Variants in CFAP77 observed in about 807,000 individuals in gnomAD.
CFAP77 encodes the protein cilia- and flagella-associated protein 77.
In CFAP77, 25 loss-of-function variants were observed where a neutral mutation model predicts 31.1. The ratio of observed to expected loss-of-function variants is 0.80; its 90% confidence interval spans 0.59 to 1.12. The LOEUF (loss-of-function observed/expected upper bound fraction) is 1.12, where lower values mean the gene tolerates loss of function less well. Among genes scored for constraint, CFAP77 ranks in the 50% most tolerant of loss-of-function variants. The pLI is 0.00. For synonymous variants in CFAP77, 151 were observed against 159.9 expected, an observed-to-expected ratio of 0.94 and a Z score of 0.42; for missense variants, 377 against 397.3, an observed-to-expected ratio of 0.95 and a Z score of 0.44.
rs1852176622 is a variant in CFAP77, at chr9:132,517,937, C to T, written c.524+18337C>T. 6.6e-6 allele frequency among the ~76,000 whole-genome samples: 1 copy of T among 152,208 alleles called. No homozygotes were observed. The highest frequency in any genetic ancestry group is 2.1e-4 in the South Asian group (1 of 4,830). ...CTGGGAGGCCTATCCCAAGTAGGAGCTGATTTCATTTCATTCCCCCTTTTT... is the reference window on the plus strand; with the variant it reads ...CTGGGAGGCCTATCCCAAGTAGGAGTTGATTTCATTTCATTCCCCCTTTTT... On this transcript the variant is annotated intron_variant, in intron 3 of 5. Coordinates refer to ENST00000393216, the MANE Select transcript of CFAP77 (RefSeq NM_001282957.2). The surrounding 1 kb of genome is among the most constrained non-coding windows in gnomAD (Gnocchi z 4.7).
intron 3 of CFAP77, among the ~76,000 whole-genome samples, chr9:132,500,983 T>TG (rs894811848): frequency 7.9e-5 from 12 of 152,380 alleles, no homozygotes; most frequent in African/African-American, 2.9e-4. Flanking sequence ...CTTCCAGAAT[T>TG]GGCCCTTCCC....
At position 132,499,638 on chromosome 9, in the gene CFAP77, G is replaced by C. The variant is rs751851483; in HGVS notation, c.524+38G>C. 2 of 1,583,476 alleles carry C rather than the reference G, an allele frequency of 1.3e-6. No homozygotes were observed. Among genetic ancestry groups the C allele is most frequent in the South Asian group, 2.2e-5 (2 of 90,402 alleles). ...GCAGCCAGGGCTTCATCCCTTGAGG[G>C]GGTGGAGGTACCAGCTCAATCAGGG... On this transcript the variant is annotated intron_variant, in intron 3 of 5. Transcript: ENST00000393216. The surrounding 1 kb of genome is among the most constrained non-coding windows in gnomAD (Gnocchi z 5.4).
intron 1 of CFAP77, among the ~76,000 whole-genome samples, chr9:132,492,560 G>A (rs1437942593): frequency 2.6e-5 from 4 of 152,210 alleles, no homozygotes; most frequent in Admixed American, 6.5e-5. Context: ...GTCAGATGTG[G>A]GTTCAGACCC....
chr9:132,444,291 G>A (rs1850667195), intron 1 of CFAP77, among the ~76,000 whole-genome samples: 1 of 152,214 alleles, frequency 6.6e-6, no homozygotes, highest in African/African-American at 2.4e-5. Context: ...AGCCACCTGC[G>A]GCATTGCCAG....
Position 132,545,869 on chromosome 9 carries a change from A to T in CFAP77, c.732+2822A>T, listed in dbSNP as rs759643554. On this transcript the variant is annotated intron_variant, in intron 5 of 5. Coordinates refer to ENST00000393216, the MANE Select transcript of CFAP77 (RefSeq NM_001282957.2). This position sits in a 1 kb window ranked among gnomAD's most constrained non-coding sequence, Gnocchi z 4.6. ...TTCCTAGCCCCAGGGCCTCCCGAGG[A>T]CCCCTTCCCTCACCTCCAGGCCCCA... Among the ~76,000 whole-genome samples, 13 of 151,762 alleles carry T rather than the reference A, an allele frequency of 8.6e-5. No individual in the cohort carries two copies. The highest frequency in any genetic ancestry group is 1.6e-4 in the Non-Finnish European group (11 of 67,938).
At chr9:132,569,356 T>C (rs1461594366) in intron 5 of CFAP77, among the ~76,000 whole-genome samples, 2 of 151,842 alleles carry the variant, frequency 1.3e-5, no homozygotes, top group African/African-American at 2.4e-5. Context: ...CAGTGAGCCA[T>C]GGTTGTGCCA....
intron 1 of CFAP77, among the ~76,000 whole-genome samples, chr9:132,431,700 G>T (rs1051426764): frequency 1.3e-5 from 2 of 152,160 alleles, no homozygotes; most frequent in South Asian, 2.1e-4. Context: ...ACTGAAAAAA[G>T]TGGGCAGATC....
intron 5 of CFAP77, among the ~76,000 whole-genome samples, chr9:132,569,385 GAC>G (rs1463458511): frequency 6.6e-6 from 1 of 152,042 alleles, no homozygotes; most frequent in Non-Finnish European, 1.5e-5. Flanking sequence ...CAGCCTGGGT[GAC>G]AGAGTGAGAA....
chr9:132,516,514 T>A (rs1190798809), intron 3 of CFAP77, among the ~76,000 whole-genome samples: 3 of 151,960 alleles, frequency 2.0e-5, no homozygotes, highest in African/African-American at 7.3e-5. Flanking sequence ...GGAGAGAGCT[T>A]GTGGGAATGG....
chr9:132,502,265 ATTTT>A (rs571665067), intron 3 of CFAP77, among the ~76,000 whole-genome samples: 2,835 of 83,758 alleles, frequency 0.034, 87 homozygotes, highest in African/African-American at 0.11. Context: ...ATATATATAT[ATTTT>A]TTTTTTTTGG....
chr9:132,418,446 T>C (rs2131677642), intron 1 of CFAP77, among the ~76,000 whole-genome samples: 2 of 152,370 alleles, frequency 1.3e-5, no homozygotes, highest in Middle Eastern at 6.8e-3. Flanking sequence ...TCACCCGTGG[T>C]TCATGGTCTC....
intron 3 of CFAP77, among the ~76,000 whole-genome samples, chr9:132,532,267 T>C (rs569869176): frequency 1.6e-4 from 24 of 152,166 alleles, no homozygotes; most frequent in Non-Finnish European, 3.5e-4. Context: ...CAGACTGGCC[T>C]CGGAGCACGG....
chr9:132,512,481 A>C (rs1477497677), intron 3 of CFAP77, among the ~76,000 whole-genome samples: 1 of 152,194 alleles, frequency 6.6e-6, no homozygotes, highest in Non-Finnish European at 1.5e-5. Context: ...TAATCATCGA[A>C]GCATCTTAAC....
chr9:132,540,118 C>T (rs761658286), intron 4 of CFAP77, among the ~76,000 whole-genome samples: 2 of 151,942 alleles, frequency 1.3e-5, no homozygotes, highest in Non-Finnish European at 2.9e-5. Flanking sequence ...TTAGTAGAGA[C>T]GGGGTCTCAC....
intron 5 of CFAP77, among the ~76,000 whole-genome samples, chr9:132,548,451 T>C (rs1206563373): frequency 1.3e-5 from 2 of 152,230 alleles, no homozygotes; most frequent in Non-Finnish European, 2.9e-5. Flanking sequence ...GTGTTCGACC[T>C]CCAGCTTTGA....
chr9:132,449,146 G>A (rs937502013), intron 1 of CFAP77, among the ~76,000 whole-genome samples: 8 of 152,198 alleles, frequency 5.3e-5, no homozygotes, highest in African/African-American at 1.9e-4. Context: ...ATGCCATAAA[G>A]TTGATCCATT....
At chr9:132,463,852 A>G (rs1851104508) in intron 1 of CFAP77, among the ~76,000 whole-genome samples, 1 of 152,166 alleles carries the variant, frequency 6.6e-6, no homozygotes, top group Non-Finnish European at 1.5e-5. Context: ...GACAGGAAGG[A>G]CACAAACACT....
Position 132,530,945 on chromosome 9 carries a change from T to C in CFAP77, c.525-6656T>C, listed in dbSNP as rs181969554. Among the ~76,000 whole-genome samples, 39 of 152,336 alleles carry C rather than the reference T, an allele frequency of 2.6e-4. No homozygotes were observed. In the East Asian group the frequency reaches 7.3e-3, roughly 29 times the overall value. On this transcript the variant is annotated intron_variant, in intron 3 of 5. Transcript: ENST00000393216. Reference sequence around the variant, plus strand: ...TGTGAACCATTTGAGTTAATTCTTGTATCAGGTGTGAGACTTAGGTTGAGT... The same window carrying C: ...TGTGAACCATTTGAGTTAATTCTTGCATCAGGTGTGAGACTTAGGTTGAGT...
At position 132,564,935 on chromosome 9, in the gene CFAP77, C is replaced by T. The variant is rs116849405; in HGVS notation, c.733-7453C>T. On this transcript the variant is annotated intron_variant, in intron 5 of 5. Coordinates refer to ENST00000393216, the MANE Select transcript of CFAP77 (RefSeq NM_001282957.2). The surrounding 1 kb of genome is among the most constrained non-coding windows in gnomAD (Gnocchi z 4.6). ...TGGTCTCAGCTCTGCCCAGGACTCACGGGAGACCTGGGAGGGTCACTTCTC... is the reference window on the plus strand; with the variant it reads ...TGGTCTCAGCTCTGCCCAGGACTCATGGGAGACCTGGGAGGGTCACTTCTC... Among the ~76,000 whole-genome samples the T allele has an allele frequency of 0.025, 3,801 of 152,156 alleles. 93 individuals are homozygous for T. Among genetic ancestry groups the T allele is most frequent in the Admixed American group, 0.073 (1,111 of 15,290 alleles).
Sources: gnomAD v4.1 joint callset for allele counts (sites outside exome capture counted in the v4.1 genomes callset) on GRCh38, gnomAD v4.1.1 for gene constraint, Gnocchi (gnomAD v3.1) non-coding constraint, MANE v1.5 for transcripts, NCBI Gene and HGNC (gene_info 2026-07-23, HGNC 2026-07-21) for gene names.